The following KCNIP4 variants were observed in gnomAD, a reference collection of about 807,000 sequenced individuals.
KCNIP4 encodes the protein Kv channel-interacting protein 4.
A neutral mutation model predicts 34.0 loss-of-function variants in KCNIP4; 12 were observed. The observed-to-expected ratio is 0.35, with a 90% CI of 0.23 to 0.57. KCNIP4 has a LOEUF of 0.57. KCNIP4 is among the 20% of genes least tolerant of loss of function. The pLI is 0.83. For missense variants in KCNIP4, 238 were observed against 311.7 expected (o/e 0.76, Z 1.78); for synonymous variants, 124 against 102.2 (o/e 1.21, Z -1.29).
In KCNIP4 at chr4:21,000,681, G is replaced by A. The variant is rs146002276; in HGVS notation, c.62-117972C>T. Among the ~76,000 whole-genome samples, 66 of 151,392 alleles carry A rather than the reference G, an allele frequency of 4.4e-4. 1 individual carries two copies. In the East Asian group the frequency reaches 5.1e-3, roughly 12 times the overall value. On this transcript the variant is annotated intron_variant, in intron 1 of 8. Transcript: ENST00000382152. ...GCCTGTGCAAAAAGAACATAACTTCGTCTCAAAGAAGAAAAAAAAAAAGAT... is the reference window on the plus strand; with the variant it reads ...GCCTGTGCAAAAAGAACATAACTTCATCTCAAAGAAGAAAAAAAAAAAGAT...
At chr4:21,092,921 T>C (rs1747126306) in intron 1 of KCNIP4, among the ~76,000 whole-genome samples, 1 of 152,214 alleles carries the variant, frequency 6.6e-6, no homozygotes, top group African/African-American at 2.4e-5. Context: ...TAAGAACACA[T>C]ACAGAAGTAT....
intron 1 of KCNIP4, among the ~76,000 whole-genome samples, chr4:21,645,235 T>C (rs899594925): frequency 6.6e-6 from 1 of 152,152 alleles, no homozygotes. Flanking sequence ...ATTTCTCCTA[T>C]GTTATAGATG....
intron 1 of KCNIP4, among the ~76,000 whole-genome samples, chr4:21,455,695 T>C (rs1385350822): frequency 6.7e-6 from 1 of 149,516 alleles, no homozygotes; most frequent in African/African-American, 2.4e-5. Flanking sequence ...CAAGTTTCTA[T>C]CTACAACACC....
intron 2 of KCNIP4, among the ~76,000 whole-genome samples, chr4:20,877,283 C>T (rs1488564145): frequency 2.0e-5 from 3 of 152,166 alleles, no homozygotes; most frequent in Admixed American, 6.5e-5. Flanking sequence ...ACCTAGAAAT[C>T]GTAACTTTCG....
At chr4:21,239,485 G>A (rs1759632223) in intron 1 of KCNIP4, among the ~76,000 whole-genome samples, 1 of 151,760 alleles carries the variant, frequency 6.6e-6, no homozygotes, top group African/African-American at 2.4e-5. Context: ...ATCTGACAAA[G>A]GGCTAATATC....
At chr4:21,244,896 AATTTT>A (rs1284905010) in intron 1 of KCNIP4, among the ~76,000 whole-genome samples, 1 of 152,248 alleles carries the variant, frequency 6.6e-6, no homozygotes, top group Non-Finnish European at 1.5e-5. Flanking sequence ...ATTAAAATTC[AATTTT>A]ATTTTATAAA....
At chr4:21,127,445 C>T (rs1750717932) in intron 1 of KCNIP4, among the ~76,000 whole-genome samples, 1 of 152,124 alleles carries the variant, frequency 6.6e-6, no homozygotes, top group Non-Finnish European at 1.5e-5. Flanking sequence ...TTTTATAGCA[C>T]TTATTACTAC....
intron 1 of KCNIP4, among the ~76,000 whole-genome samples, chr4:21,886,895 C>T (rs1459345324): frequency 2.0e-5 from 3 of 151,984 alleles, no homozygotes; most frequent in Admixed American, 2.0e-4. Flanking sequence ...ATAATAAATG[C>T]TTTTGCTTTA....
At chr4:21,179,328 AT>A (rs1267669423) in intron 1 of KCNIP4, among the ~76,000 whole-genome samples, 4 of 152,196 alleles carry the variant, frequency 2.6e-5, no homozygotes, top group Non-Finnish European at 5.9e-5. Flanking sequence ...AAACATTGAG[AT>A]CATAGTAGCC....
At chr4:21,151,815 G>A (rs947346425) in intron 1 of KCNIP4, among the ~76,000 whole-genome samples, 1 of 152,040 alleles carries the variant, frequency 6.6e-6, no homozygotes, top group Non-Finnish European at 1.5e-5. Flanking sequence ...TTGTGCATAG[G>A]CTCTGAAAAG....
intron 1 of KCNIP4, among the ~76,000 whole-genome samples, chr4:21,128,757 C>A (rs1379596848): frequency 6.6e-6 from 1 of 152,176 alleles, no homozygotes; most frequent in African/African-American, 2.4e-5. Context: ...CAGTAAGGAG[C>A]ACTATGATTA....
In KCNIP4 at chr4:20,845,780, C is replaced by T. The variant is rs570925947; in HGVS notation, c.288+4763G>A. Among the ~76,000 whole-genome samples, 5 of 152,248 alleles carry T rather than the reference C, an allele frequency of 3.3e-5. No homozygotes were observed. The East Asian group carries it at 7.7e-4, about 24-fold the overall frequency. ...AGTAGCCTCTAGGGGCTGCGTGGCC[C>T]TACATTGACAGCCAGCAAGAGGGGA... On this transcript the variant is annotated intron_variant, in intron 3 of 8. Coordinates refer to ENST00000382152, the MANE Select transcript of KCNIP4 (RefSeq NM_025221.6).
At chr4:21,630,017 A>ATT (rs34714303) in intron 1 of KCNIP4, among the ~76,000 whole-genome samples, 14 of 120,216 alleles carry the variant, frequency 1.2e-4, no homozygotes, top group South Asian at 5.9e-4. Context: ...CAGCTGGCTA[A>ATT]TTTTTTTTTT....
intron 1 of KCNIP4, among the ~76,000 whole-genome samples, chr4:21,079,782 C>G (rs1745840355): frequency 6.6e-6 from 1 of 151,646 alleles, no homozygotes; most frequent in Non-Finnish European, 1.5e-5. Context: ...AAAAGGGAGG[C>G]AGGAGAGTCA....
chr4:20,950,593 A>T (rs1732679355), intron 1 of KCNIP4, among the ~76,000 whole-genome samples: 1 of 151,990 alleles, frequency 6.6e-6, no homozygotes, highest in Non-Finnish European at 1.5e-5. Flanking sequence ...TGCAATCAGT[A>T]CTCTGCACAG....
intron 1 of KCNIP4, among the ~76,000 whole-genome samples, chr4:21,252,390 TACTGGG>T (rs913378362): frequency 5.3e-5 from 8 of 152,046 alleles, no homozygotes; most frequent in Non-Finnish European, 1.2e-4. Context: ...CCTCCCAAAG[TACTGGG>T]ATTACAGGTG....
intron 1 of KCNIP4, among the ~76,000 whole-genome samples, chr4:21,580,772 T>C (rs1333786021): frequency 6.6e-6 from 1 of 152,080 alleles, no homozygotes; most frequent in East Asian, 1.9e-4. Flanking sequence ...AGGCATTTAG[T>C]CAACAAGTAC....
At chr4:20,998,179 T>C (rs1737739975) in intron 1 of KCNIP4, among the ~76,000 whole-genome samples, 1 of 152,160 alleles carries the variant, frequency 6.6e-6, no homozygotes, top group African/African-American at 2.4e-5. Context: ...TAGCCAACAG[T>C]GCCAGAGCAG....
chr4:21,013,334 C>T (rs1457176161), intron 1 of KCNIP4, among the ~76,000 whole-genome samples: 1 of 151,972 alleles, frequency 6.6e-6, no homozygotes, highest in Non-Finnish European at 1.5e-5. Context: ...GAACCAGAGG[C>T]CAGGGAGAGT....
Sources: gnomAD v4.1 joint callset for allele counts (sites outside exome capture counted in the v4.1 genomes callset) on GRCh38, gnomAD v4.1.1 for gene constraint, MANE v1.5 for transcripts, NCBI Gene and HGNC (gene_info 2026-07-23, HGNC 2026-07-21) for gene names.